KAZN: variants seen among roughly 807,000 people sequenced by gnomAD.
KAZN encodes the protein kazrin, periplakin interacting protein, also known as kazrin.
Under a neutral mutation model 87.4 loss-of-function variants are expected in KAZN, and 40 were observed. The ratio of observed to expected loss-of-function variants is 0.46; its 90% CI spans 0.36 to 0.60. The LOEUF (loss-of-function observed/expected upper bound fraction) is 0.60. Among genes scored for constraint, KAZN ranks in the 20% least tolerant of loss-of-function variants. KAZN has a pLI of 0.00. For missense variants in KAZN, 898 were observed against 1,073.9 expected (o/e 0.84, Z 2.29); for synonymous variants, 466 against 458.3 (o/e 1.02, Z -0.22).
intron 1 of KAZN, among the ~76,000 whole-genome samples, chr1:14,885,234 C>T (rs568990763): frequency 2.0e-5 from 3 of 152,164 alleles, no homozygotes; most frequent in African/African-American, 4.8e-5. Flanking sequence ...GGGAAGGTGG[C>T]TCGCCCCCAT....
In KAZN at chr1:14,540,975, G is replaced by C. The variant is rs149164068; in HGVS notation, c.250-58008G>C. 6.6e-4 allele frequency among the ~76,000 whole-genome samples: 101 copies of C among 152,298 alleles called. 1 individual carries two copies. Among genetic ancestry groups the C allele is most frequent in the Non-Finnish European group, 8.7e-4 (59 of 68,028 alleles). On this transcript the variant is annotated intron_variant, in intron 2 of 16. Transcript: ENST00000636203. Reference sequence around the variant, plus strand: ...TAAATAATTAGATGAACAAGGACAGGAGCTCTAGGTAGAGATCAAATGCAA... The same window carrying C: ...TAAATAATTAGATGAACAAGGACAGCAGCTCTAGGTAGAGATCAAATGCAA...
intron 2 of KAZN, among the ~76,000 whole-genome samples, chr1:14,454,815 A>G (rs987517957): frequency 6.6e-6 from 1 of 152,186 alleles, no homozygotes; most frequent in East Asian, 1.9e-4. Flanking sequence ...ATAACACATT[A>G]CCTCCAAGAT....
At chr1:14,043,965 G>A (rs767733658) in intron 1 of KAZN, among the ~76,000 whole-genome samples, 1 of 152,142 alleles carries the variant, frequency 6.6e-6, no homozygotes. Flanking sequence ...GGTTGACTGG[G>A]CTCAGCTGGG....
chr1:15,066,064 C>T lies in KAZN; in HGVS notation c.1222+311C>T, dbSNP rs1639203379. The T allele has an allele frequency of 8.4e-7, 1 of 1,194,576 alleles. No homozygotes were observed. The highest frequency in any genetic ancestry group is 1.0e-6 in the Non-Finnish European group (1 of 964,276). The allele number at this position is 1,194,576 out of a possible 1,614,324, so 74.0% of individuals were successfully genotyped here. A position where few individuals can be genotyped will look rare whatever the true frequency, so the allele number is the denominator to read the frequency against. ...ACTCTCTGTCGTCTTTGGAGCGATACAGTTGTGTTGTTAATCTGGTTTATT... is the reference window on the plus strand; with the variant it reads ...ACTCTCTGTCGTCTTTGGAGCGATATAGTTGTGTTGTTAATCTGGTTTATT... On this transcript the variant is annotated intron_variant, in intron 8 of 14. Coordinates refer to ENST00000376030, the MANE Select transcript of KAZN (RefSeq NM_201628.3). The surrounding 1 kb of genome is among the most constrained non-coding windows in gnomAD (Gnocchi z 4.3).
In KAZN at chr1:14,213,455, T is replaced by C. The variant is rs1185645027; in HGVS notation, c.249+32863T>C. ...CCTGAAGAGATGAAGTAGGGATTCA[T>C]GGAGATGTATAGGGGAGGAGTATCC... is the stretch of plus-strand genomic sequence containing the variant. On this transcript the variant is annotated intron_variant, in intron 2 of 16. Coordinates refer to the KAZN transcript ENST00000636203. Among the ~76,000 whole-genome samples the C allele has an allele frequency of 2.0e-5, 3 of 152,104 alleles. No individual in the cohort carries two copies. In the East Asian group the frequency reaches 5.8e-4, roughly 29 times the overall value.
intron 2 of KAZN, among the ~76,000 whole-genome samples, chr1:14,265,968 C>T (rs531763217): frequency 2.8e-4 from 43 of 152,318 alleles, no homozygotes; most frequent in African/African-American, 9.9e-4. Flanking sequence ...TCCTCTCCCT[C>T]GGGTGTTGTT....
intron 2 of KAZN, among the ~76,000 whole-genome samples, chr1:14,287,422 A>C (rs891159049): frequency 2.0e-5 from 3 of 152,104 alleles, no homozygotes; most frequent in Non-Finnish European, 4.4e-5. Flanking sequence ...ATTCCTAGGT[A>C]TTTTATTCTC....
At chr1:14,446,222 A>G (rs1571668169) in intron 2 of KAZN, among the ~76,000 whole-genome samples, 1 of 152,078 alleles carries the variant, frequency 6.6e-6, no homozygotes, top group Non-Finnish European at 1.5e-5. Flanking sequence ...ATTGGTTGAC[A>G]TTACTGGAAT....
At chr1:13,934,058 C>T (rs940494760) in intron 1 of KAZN, among the ~76,000 whole-genome samples, 2 of 152,174 alleles carry the variant, frequency 1.3e-5, no homozygotes, top group Admixed American at 1.3e-4. Context: ...ATGGAAATAG[C>T]CTGTACCAGT....
intron 1 of KAZN, among the ~76,000 whole-genome samples, chr1:14,910,228 G>A (rs542843098): frequency 6.6e-6 from 1 of 152,218 alleles, no homozygotes; most frequent in South Asian, 2.1e-4. Context: ...GCCATGAGTG[G>A]CTGTCATGAG....
intron 1 of KAZN, among the ~76,000 whole-genome samples, chr1:14,737,428 T>C (rs1643941864): frequency 6.6e-6 from 1 of 152,070 alleles, no homozygotes; most frequent in Admixed American, 6.5e-5. Flanking sequence ...AAAGCAGATA[T>C]ACAGGGAGAA....
At chr1:15,043,263 T>G (rs1673104229) in intron 3 of KAZN, among the ~76,000 whole-genome samples, 1 of 152,224 alleles carries the variant, frequency 6.6e-6, no homozygotes, top group East Asian at 1.9e-4. Flanking sequence ...TTCCCTGTGA[T>G]GAACACAATT....
At chr1:14,508,559 A>G (rs2148440956) in intron 2 of KAZN, among the ~76,000 whole-genome samples, 1 of 152,272 alleles carries the variant, frequency 6.6e-6, no homozygotes, top group East Asian at 1.9e-4. Context: ...TGGCCTCATC[A>G]TAGCAGCAAC....
chr1:14,965,672 C>A (rs1664382486), intron 2 of KAZN, among the ~76,000 whole-genome samples: 1 of 151,996 alleles, frequency 6.6e-6, no homozygotes, highest in African/African-American at 2.4e-5. Flanking sequence ...CACTTTTTTT[C>A]TCTCTCTGTC....
intron 1 of KAZN, among the ~76,000 whole-genome samples, chr1:14,849,127 G>A (rs1242925641): frequency 6.6e-6 from 1 of 152,130 alleles, no homozygotes; most frequent in Non-Finnish European, 1.5e-5. Flanking sequence ...AGGATGTTTT[G>A]AGTAATATCT....
At chr1:14,130,674 T>C (rs903999479) in intron 1 of KAZN, among the ~76,000 whole-genome samples, 2 of 152,174 alleles carry the variant, frequency 1.3e-5, no homozygotes, top group Non-Finnish European at 2.9e-5. Flanking sequence ...TCCTTCTTGC[T>C]GCCTCTGGGG....
At chr1:14,947,295 G>A (rs1572895879) in intron 1 of KAZN, among the ~76,000 whole-genome samples, 1 of 152,310 alleles carries the variant, frequency 6.6e-6, no homozygotes, top group Non-Finnish European at 1.5e-5. Context: ...GAGGGAGGAT[G>A]GATGAGGATG....
At chr1:14,989,901 C>T (rs1370282349) in intron 2 of KAZN, among the ~76,000 whole-genome samples, 2 of 152,162 alleles carry the variant, frequency 1.3e-5, no homozygotes, top group Non-Finnish European at 2.9e-5. Context: ...CTGCAGAAGG[C>T]GCTTTGCATT....
chr1:14,877,774 A>G lies in KAZN; in HGVS notation c.227-82910A>G, dbSNP rs143381144. On this transcript the variant is annotated intron_variant, in intron 1 of 14. Transcript: ENST00000376030. The stretch of plus-strand genomic sequence containing the variant: ...ATATGTGCAATCTGCTTAGAACGGT[A>G]CAGTGCTTGATAGTTATGGAATAAA... Among the ~76,000 whole-genome samples the G allele has an allele frequency of 3.6e-3, 541 of 152,344 alleles. 2 individuals are homozygous for G. The highest frequency in any genetic ancestry group is 0.012 in the African/African-American group (515 of 41,572).
Sources: gnomAD v4.1 joint callset for allele counts (sites outside exome capture counted in the v4.1 genomes callset) on GRCh38, gnomAD v4.1.1 for gene constraint, Gnocchi (gnomAD v3.1) non-coding constraint, MANE v1.5 for transcripts, NCBI Gene and HGNC (gene_info 2026-07-23, HGNC 2026-07-21) for gene names.